The following PECAM1 variants were observed in gnomAD, a reference collection of about 807,000 sequenced individuals.
PECAM1 encodes the protein platelet endothelial cell adhesion molecule.
PECAM1 carries 8 observed loss-of-function variants against 13.8 expected under a neutral mutation model. That is an observed-to-expected ratio of 0.58 (90% confidence interval 0.34 to 1.05). PECAM1 has a LOEUF of 1.05. PECAM1 is among the 50% of genes least tolerant of loss of function. The pLI, the probability that PECAM1 is intolerant of heterozygous loss-of-function variation, is 0.03. For synonymous variants in PECAM1, 136 were observed against 52.6 expected (o/e 2.58, Z -6.86); for missense variants, 304 against 141.2 (o/e 2.15, Z -5.84).
chr17:64,359,351 C>A (rs2035920818), intron 7 of PECAM1, among the ~76,000 whole-genome samples: 1 of 152,124 alleles, frequency 6.6e-6, no homozygotes, highest in African/African-American at 2.4e-5. Context: ...TGTCCACCCC[C>A]AAGACAATGG....
intron 2 of PECAM1, chr17:64,390,201 T>C (rs1410925621): frequency 8.0e-6 from 3 of 372,720 alleles, no homozygotes; most frequent in East Asian, 3.9e-5. Flanking sequence ...GAAAAGAACA[T>C]GGAGTTTGAT....
chr17:64,332,040 C>T (rs565957204), intron 14 of PECAM1, among the ~76,000 whole-genome samples: 3 of 152,336 alleles, frequency 2.0e-5, no homozygotes, highest in Admixed American at 1.3e-4. Context: ...CACAATCCTT[C>T]TGTTTCTCTA....
chr17:64,331,866 T>G (rs777296187), intron 14 of PECAM1, among the ~76,000 whole-genome samples: 28 of 152,176 alleles, frequency 1.8e-4, no homozygotes, highest in Non-Finnish European at 3.1e-4. Flanking sequence ...TGGGGATGGT[T>G]GCTGTTCTCG....
At chr17:64,351,449 G>A (rs1028604142) in intron 11 of PECAM1, among the ~76,000 whole-genome samples, 1 of 152,154 alleles carries the variant, frequency 6.6e-6, no homozygotes, top group Non-Finnish European at 1.5e-5. Context: ...AAGTGGCTGG[G>A]CTCAGGGGCT....
chr17:64,359,667 A>G (rs994840989), intron 7 of PECAM1, among the ~76,000 whole-genome samples: 6 of 151,858 alleles, frequency 4.0e-5, no homozygotes, highest in Non-Finnish European at 5.9e-5. Flanking sequence ...ATAGCCCCCA[A>G]ATATTTTCCA....
intron 11 of PECAM1, among the ~76,000 whole-genome samples, 194 bp from the exon 12 acceptor site, chr17:64,350,627 CTTTT>C (rs1261228073): frequency 5.6e-5 from 8 of 143,378 alleles, no homozygotes; most frequent in Non-Finnish European, 9.1e-5. Context: ...TAGTCTTTTT[CTTTT>C]TTTCTTTCTT....
rs1447320285 is a variant in PECAM1, at chr17:64,328,672, A to G, written c.2187+1028T>C. 2.6e-5 allele frequency among the ~76,000 whole-genome samples: 4 copies of G among 152,208 alleles called. No individual in the cohort carries two copies. The South Asian group carries it at 6.2e-4, about 24-fold the overall frequency. The stretch of plus-strand genomic sequence containing the variant: ...AAGGCATAATGAGCTCTGTTTTACA[A>G]GAGTCCAGACATGGGCAAAACAAAG... On this transcript the variant is annotated intron_variant, in intron 15 of 15. Coordinates refer to ENST00000563924, the MANE Select transcript of PECAM1 (RefSeq NM_000442.5).
intron 7 of PECAM1, among the ~76,000 whole-genome samples, chr17:64,357,834 A>G (rs1387195794): frequency 1.3e-5 from 2 of 152,134 alleles, no homozygotes; most frequent in Non-Finnish European, 2.9e-5. Flanking sequence ...ACAGCTTCAC[A>G]TGGGCTTCAC....
chr17:64,352,294 G>A (rs931949150), intron 11 of PECAM1, 96 bp downstream of exon 11: 1 of 426,072 alleles, frequency 2.3e-6, no homozygotes, highest in African/African-American at 2.0e-5. Flanking sequence ...TCTTCCAACT[G>A]TAATCCCACC....
rs1179143524 is a variant in PECAM1 at position 64,322,648 on chromosome 17, C to T, written c.*1168G>A. ...ACAGCGCAATGACAGCAGCCTCTCT[C>T]CCACCCACTCAAGACACTGTCAGGA... On this transcript the variant is annotated 3_prime_UTR_variant, in exon 16 of 16. Transcript: ENST00000563924. The T allele has an allele frequency of 3.0e-6, 3 of 985,252 alleles. No homozygotes were observed. In the African/African-American group the frequency reaches 5.2e-5, roughly 17 times the overall value. 61.0% of individuals were successfully genotyped at this position (985,252 alleles called of 1,614,324 possible).
chr17:64,355,071 T>G (rs1440266379), intron 8 of PECAM1, 31 bp from the exon 9 acceptor site: 5 of 473,256 alleles, frequency 1.1e-5, no homozygotes, highest in Non-Finnish European at 1.9e-5. Context: ...AAAATTTTTT[T>G]TGTATATAGG....
intron 8 of PECAM1, among the ~76,000 whole-genome samples, chr17:64,355,694 A>T (rs1190588533): frequency 3.3e-5 from 5 of 152,134 alleles, no homozygotes; most frequent in Non-Finnish European, 5.9e-5. Flanking sequence ...TCCAGGGCTC[A>T]AGTGGAGTAG....
chr17:64,373,280 G>A (rs1409057731), intron 4 of PECAM1, among the ~76,000 whole-genome samples: 3 of 152,088 alleles, frequency 2.0e-5, no homozygotes, highest in Non-Finnish European at 4.4e-5. Flanking sequence ...CAGGATTGTT[G>A]TAATAGCAAA....
intron 4 of PECAM1, chr17:64,370,352 C>G (rs1030398347): frequency 5.3e-6 from 1 of 189,548 alleles, no homozygotes; most frequent in Non-Finnish European, 1.1e-5. Flanking sequence ...CTGCCCACTA[C>G]GAGTTTTCTA....
chr17:64,348,239 A>C, intron 13 of PECAM1, 21 bp downstream of exon 13: 1 of 474,928 alleles, frequency 2.1e-6, no homozygotes, highest in Non-Finnish European at 3.9e-6. Flanking sequence ...ATGCCTGGGG[A>C]CTCACTCGAG....
Position 64,375,033 on chromosome 17 carries a change from AG to A in PECAM1, c.691+17del. ...CAGAAACCACAAAGAACGATGAGGAAGGGAGCAGGATGCTGACCCGTCACGG... is the reference window on the plus strand; with the variant it reads ...CAGAAACCACAAAGAACGATGAGGAAGGAGCAGGATGCTGACCCGTCACGG... On this transcript the variant is annotated intron_variant, in intron 4 of 15. Transcript: ENST00000563924. The A allele has an allele frequency of 2.1e-6, 1 of 474,560 alleles. No individual in the cohort carries two copies. Among genetic ancestry groups the A allele is most frequent in the Non-Finnish European group, 3.9e-6 (1 of 258,700 alleles). The allele number at this position is 474,560 out of a possible 1,614,324, so 29.4% of individuals were successfully genotyped here.
chr17:64,350,436 A>G lies in PECAM1; in HGVS notation c.1991-3T>C, dbSNP rs1196765596. ...GTTTCTGACATCGTCATTGTGACCT[A>G]GTTGAAAAATAACAATTAGGGTGAG... On this transcript the variant is annotated splice_polypyrimidine_tract_variant and splice_region_variant and intron_variant, in intron 11 of 15. Coordinates refer to ENST00000563924, the MANE Select transcript of PECAM1 (RefSeq NM_000442.5). 4 of 430,034 alleles carry G rather than the reference A, an allele frequency of 9.3e-6. No homozygotes were observed. Among genetic ancestry groups the G allele is most frequent in the Non-Finnish European group, 1.7e-5 (4 of 234,258 alleles). The allele number at this position is 430,034 out of a possible 1,614,324, so 26.6% of individuals were successfully genotyped here.
chr17:64,345,343 G>A (rs924946456), intron 13 of PECAM1, among the ~76,000 whole-genome samples: 53 of 152,238 alleles, frequency 3.5e-4, no homozygotes, highest in African/African-American at 1.3e-3. Context: ...GGGAGGGTCT[G>A]TATGTGCTTG....
At chr17:64,387,766 CA>C (rs1430901397) in intron 2 of PECAM1, among the ~76,000 whole-genome samples, 1 of 152,120 alleles carries the variant, frequency 6.6e-6, no homozygotes, top group Non-Finnish European at 1.5e-5. Context: ...GAAGATGGAG[CA>C]GCCGTCACCT....
Sources: gnomAD v4.1 joint callset for allele counts (sites outside exome capture counted in the v4.1 genomes callset) on GRCh38, gnomAD v4.1.1 for gene constraint, MANE v1.5 for transcripts, NCBI Gene and HGNC (gene_info 2026-07-23, HGNC 2026-07-21) for gene names.